PDZK1: variants seen among roughly 807,000 people sequenced by gnomAD.
PDZK1 encodes PDZ domain containing 1.
PDZK1 carries 23 observed loss-of-function variants against 38.1 expected under a neutral mutation model. The ratio of observed to expected loss-of-function variants is 0.60; its 90% CI spans 0.43 to 0.85. The LOEUF (loss-of-function observed/expected upper bound fraction) is 0.85. PDZK1 is among the 40% of genes least tolerant of loss of function. The pLI is 0.00. For synonymous variants in PDZK1, 98 were observed against 186.2 expected (o/e 0.53, Z 3.86); for missense variants, 297 against 504.3 (o/e 0.59, Z 3.94).
At chr1:145,705,095 A>AT (rs1187200897) in intron 1 of PDZK1, among the ~76,000 whole-genome samples, 24 of 150,630 alleles carry the variant, frequency 1.6e-4, no homozygotes, top group East Asian at 1.2e-3. Context: ...AAAAGAGATG[A>AT]TTTTTTTTTT....
At chr1:145,679,435 C>T (rs1654023803) in intron 5 of PDZK1, among the ~76,000 whole-genome samples, 1 of 152,122 alleles carries the variant, frequency 6.6e-6, no homozygotes, top group Non-Finnish European at 1.5e-5. Context: ...ACCATAATAC[C>T]TTACACATCC....
rs587724311 is a variant in PDZK1 at position 145,696,741 on chromosome 1, T to C, written c.-2-8718A>G. Among the ~76,000 whole-genome samples the C allele has an allele frequency of 3.9e-4, 60 of 152,310 alleles. 3 individuals are homozygous for C. The South Asian group carries it at 0.012, about 32-fold the overall frequency. On this transcript the variant is annotated intron_variant, in intron 1 of 8. Coordinates refer to ENST00000417171, the MANE Select transcript of PDZK1 (RefSeq NM_001201325.2). ...ATGCTGCCCACCCAGGCTGTGTGTT[T>C]GAAAGGGAATGTGTCAAAGGAAACT...
chr1:145,699,866 A>C (rs1655857285), intron 1 of PDZK1, among the ~76,000 whole-genome samples: 1 of 152,154 alleles, frequency 6.6e-6, no homozygotes, highest in Admixed American at 6.5e-5. Context: ...GAGTTCCTTA[A>C]TTTTGAGCTG....
chr1:145,702,990 C>A (rs1469801789), intron 1 of PDZK1, among the ~76,000 whole-genome samples: 2 of 152,182 alleles, frequency 1.3e-5, no homozygotes, highest in Admixed American at 6.5e-5. Flanking sequence ...CCCAATTGGT[C>A]TATGCATGGT....
chr1:145,701,033 C>T (rs1161447060), intron 1 of PDZK1, among the ~76,000 whole-genome samples: 5 of 151,920 alleles, frequency 3.3e-5, no homozygotes, highest in East Asian at 1.9e-4. Context: ...GGTGAAACCC[C>T]GTCTCTACTA....
At chr1:145,696,200 G>A (rs1655619286) in intron 1 of PDZK1, among the ~76,000 whole-genome samples, 1 of 152,246 alleles carries the variant, frequency 6.6e-6, no homozygotes, top group African/African-American at 2.4e-5. Flanking sequence ...TCCAGGGGTT[G>A]CAAGGACACT....
intron 1 of PDZK1, among the ~76,000 whole-genome samples, chr1:145,702,444 A>G (rs1656010709): frequency 1.3e-5 from 2 of 151,882 alleles, no homozygotes; most frequent in South Asian, 4.2e-4. Flanking sequence ...GCTTTCCCCA[A>G]ATCGACATTT....
intron 1 of PDZK1, among the ~76,000 whole-genome samples, chr1:145,701,658 G>T (rs1553705004): frequency 6.6e-6 from 1 of 152,134 alleles, no homozygotes; most frequent in African/African-American, 2.4e-5. Context: ...TGACTCCAAG[G>T]CTTCATGCCT....
chr1:145,693,404 T>G (rs1655397325), intron 1 of PDZK1, among the ~76,000 whole-genome samples: 1 of 152,170 alleles, frequency 6.6e-6, no homozygotes. Flanking sequence ...GAAAAATCGA[T>G]GCTTAGGCCC....
In PDZK1 at chr1:145,687,993, C is replaced by T; in HGVS notation, c.29G>A (p.Cys10Tyr). MTSTFNPRE[C>Y]KLSKQEGQNY... ...TTGCCCTTCTTGCTTGGACAGTTTA[C>T]ATTCTCGGGGGTTGAAGGTGGAGGT... Residue 10 changes from cysteine to tyrosine, a missense_variant, in exon 2 of 9, where the codon TGT (cysteine) becomes TAT (tyrosine). By Grantham distance (194) the Cys-to-Tyr change is radical (BLOSUM62 -2). This residue lies in a region of PDZK1 where 159 missense variants were observed against 200.0 expected (regional missense o/e 0.79). Transcript: ENST00000417171. The T allele has an allele frequency of 6.2e-7, 1 of 1,613,056 alleles. No individual in the cohort carries two copies.
intron 5 of PDZK1, among the ~76,000 whole-genome samples, chr1:145,679,030 G>A (rs1653986120): frequency 6.6e-6 from 1 of 151,696 alleles, no homozygotes; most frequent in Non-Finnish European, 1.5e-5. Context: ...GAAGAATAAA[G>A]AACAAAACCC....
chr1:145,674,804 TCTC>T (rs1249477695), intron 6 of PDZK1, among the ~76,000 whole-genome samples: 4 of 152,166 alleles, frequency 2.6e-5, no homozygotes, highest in African/African-American at 9.6e-5. Flanking sequence ...CCCTAATTAA[TCTC>T]CTCTCATACC....
intron 1 of PDZK1, among the ~76,000 whole-genome samples, chr1:145,694,386 G>A (rs1250571371): frequency 1.3e-5 from 2 of 152,186 alleles, no homozygotes; most frequent in African/African-American, 2.4e-5. Context: ...TGCTGGGGCA[G>A]GTGAAATCTG....
At chr1:145,683,981 G>C (rs1553701019) in intron 3 of PDZK1, among the ~76,000 whole-genome samples, 2 of 151,702 alleles carry the variant, frequency 1.3e-5, no homozygotes. Flanking sequence ...CGAGTAGCTG[G>C]GACTACAGGC....
chr1:145,697,723 A>G (rs1036957642), intron 1 of PDZK1, among the ~76,000 whole-genome samples: 12 of 138,552 alleles, frequency 8.7e-5, no homozygotes, highest in Non-Finnish European at 1.2e-4. Context: ...CAGCCTCCTG[A>G]GTAGTTGGGA....
intron 1 of PDZK1, among the ~76,000 whole-genome samples, chr1:145,702,256 G>A (rs1655999196): frequency 6.6e-6 from 1 of 151,852 alleles, no homozygotes; most frequent in Non-Finnish European, 1.5e-5. Context: ...GTCCTATATG[G>A]CAAGACTCTG....
intron 1 of PDZK1, among the ~76,000 whole-genome samples, chr1:145,698,421 T>C (rs1181307297): frequency 1.3e-5 from 2 of 152,148 alleles, no homozygotes; most frequent in Non-Finnish European, 2.9e-5. Context: ...GGCGGTGAAC[T>C]AAGACAGTGA....
chr1:145,679,061 A>G (rs1467144441), intron 5 of PDZK1, among the ~76,000 whole-genome samples: 1 of 151,600 alleles, frequency 6.6e-6, no homozygotes, highest in Non-Finnish European at 1.5e-5. Context: ...ACCTTAAGAA[A>G]CCCAGGCTGG....
At chr1:145,694,771 C>T (rs782757688) in intron 1 of PDZK1, among the ~76,000 whole-genome samples, 3 of 151,180 alleles carry the variant, frequency 2.0e-5, no homozygotes, top group Non-Finnish European at 4.4e-5. Context: ...GTGGTGCATG[C>T]CTGTAGTCCC....
Sources: gnomAD v4.1 joint callset for allele counts (sites outside exome capture counted in the v4.1 genomes callset) on GRCh38, gnomAD v4.1.1 for gene constraint, gnomAD v4.1.1 regional missense constraint, MANE v1.5 for transcripts, NCBI Gene and HGNC (gene_info 2026-07-23, HGNC 2026-07-21) for gene names.